The following COPB1 variants were observed in gnomAD, a reference collection of about 807,000 sequenced individuals.
COPB1 encodes the protein coat protein complex I subunit beta 1.
In COPB1, 21 loss-of-function variants were observed where a neutral mutation model predicts 108.7. That is an observed-to-expected ratio of 0.19 (90% CI 0.14 to 0.28). COPB1 has a LOEUF of 0.28. COPB1 is among the 10% of genes least tolerant of loss of function. The probability of loss-of-function intolerance (pLI) is 1.00; values close to 1 mark genes in which losing one functional copy is unlikely to be tolerated. For missense variants in COPB1, 919 were observed against 1,141.3 expected (o/e 0.81, Z 2.81); for synonymous variants, 378 against 386.8 (o/e 0.98, Z 0.27).
intron 12 of COPB1, 124 bp from the exon 13 acceptor site, chr11:14,476,069 C>CT (rs1190157404): frequency 2.6e-6 from 2 of 759,218 alleles, no homozygotes; most frequent in Non-Finnish European, 4.1e-6. Flanking sequence ...ACTGGGAACT[C>CT]TGCTTTCAAT....
chr11:14,491,754 G>A (rs1028655973), intron 4 of COPB1, among the ~76,000 whole-genome samples: 5 of 151,506 alleles, frequency 3.3e-5, no homozygotes, highest in Non-Finnish European at 7.4e-5. Flanking sequence ...ACGTTTTCTA[G>A]TTCAATACAG....
chr11:14,462,688 A>C (rs1386402373), intron 18 of COPB1, among the ~76,000 whole-genome samples: 1 of 152,150 alleles, frequency 6.6e-6, no homozygotes, highest in Non-Finnish European at 1.5e-5. Context: ...CGTATCAGAG[A>C]AGTACTACCT....
At chr11:14,464,870 A>G in intron 18 of COPB1, 41 bp downstream of exon 18, 1 of 1,591,630 alleles carries the variant, frequency 6.3e-7, no homozygotes. Flanking sequence ...ATTCTTCAGT[A>G]AAAGTATTCA....
At chr11:14,458,762 A>C in intron 20 of COPB1, 75 bp from the exon 21 acceptor site, 1 of 1,206,188 alleles carries the variant, frequency 8.3e-7, no homozygotes, top group Non-Finnish European at 1.1e-6. Flanking sequence ...AGCATAGGTG[A>C]CTTTTTTTTT....
chr11:14,459,863 C>T (rs541906001), intron 20 of COPB1, among the ~76,000 whole-genome samples: 43 of 152,182 alleles, frequency 2.8e-4, no homozygotes, highest in African/African-American at 6.3e-4. Flanking sequence ...GTGATCTGCC[C>T]GCCTCAGCCT....
intron 16 of COPB1, among the ~76,000 whole-genome samples, chr11:14,467,887 GT>G (rs1850318413): frequency 1.3e-5 from 2 of 152,148 alleles, no homozygotes; most frequent in African/African-American, 4.8e-5. Context: ...GTAAGTAGAG[GT>G]TGAGGGGAAG....
At chr11:14,482,148 ATTTCT>A (rs1850674404) in intron 8 of COPB1, among the ~76,000 whole-genome samples, 1 of 152,122 alleles carries the variant, frequency 6.6e-6, no homozygotes, top group African/African-American at 2.4e-5. Flanking sequence ...GGTAAGGATA[ATTTCT>A]TATATAACCA....
intron 11 of COPB1, among the ~76,000 whole-genome samples, chr11:14,478,053 A>G (rs1850567900): frequency 6.6e-6 from 1 of 152,128 alleles, no homozygotes; most frequent in Non-Finnish European, 1.5e-5. Flanking sequence ...CTGCAGTTCT[A>G]AAGTATTTTA....
chr11:14,480,677 T>G, intron 10 of COPB1, 82 bp downstream of exon 10: 2 of 1,352,290 alleles, frequency 1.5e-6, no homozygotes, highest in Non-Finnish European at 1.0e-6. Flanking sequence ...GCAGCTGAGA[T>G]TTCTGGAGTT....
Position 14,461,246 on chromosome 11 carries a change from A to G in COPB1, c.2496T>C (p.Pro832=). The G allele has an allele frequency of 6.2e-7, 1 of 1,614,202 alleles. No homozygotes were observed. The highest frequency in any genetic ancestry group is 1.1e-5 in the South Asian group (1 of 91,074). Residue 832 remains proline (P), a synonymous_variant, in exon 19 of 22, where the codon CCT becomes CCC. Transcript: ENST00000439561. ...IHIDIMDYIQ[P]ATCTDAEFRQ... ...GGAATTCTGCATCAGTGCAAGTTGC[A>G]GGCTGGATATAGTCCATGATGTCGA... is the stretch of plus-strand genomic sequence containing the variant.
intron 16 of COPB1, among the ~76,000 whole-genome samples, chr11:14,466,843 C>T (rs1351451166): frequency 6.6e-6 from 1 of 152,092 alleles, no homozygotes; most frequent in Non-Finnish European, 1.5e-5. Flanking sequence ...AACTCAGGAT[C>T]CAAATAAAAT....
In COPB1 at chr11:14,489,435, A is replaced by G. The variant is rs536732393; in HGVS notation, c.607-851T>C. Among the ~76,000 whole-genome samples, 82 of 152,390 alleles carry G rather than the reference A, an allele frequency of 5.4e-4. 1 individual carries two copies. Among genetic ancestry groups the G allele is most frequent in the African/African-American group, 1.9e-3 (80 of 41,598 alleles). On this transcript the variant is annotated intron_variant, in intron 5 of 21. Transcript: ENST00000439561. ...AGATACGTGTACATCTACGTTCACAATAGCATTATTCCTAATAGCTAAAAG... is the reference window on the plus strand; with the variant it reads ...AGATACGTGTACATCTACGTTCACAGTAGCATTATTCCTAATAGCTAAAAG...
At chr11:14,488,631 G>C in intron 5 of COPB1, 47 bp from the exon 6 acceptor site, 10 of 1,291,140 alleles carry the variant, frequency 7.7e-6, no homozygotes, top group Non-Finnish European at 1.1e-5. Context: ...TCATTCAATA[G>C]AAGGACTTAA....
At chr11:14,489,219 T>C (rs927960086) in intron 5 of COPB1, among the ~76,000 whole-genome samples, 3 of 152,254 alleles carry the variant, frequency 2.0e-5, no homozygotes, top group Admixed American at 6.5e-5. Context: ...AAAAAAACAA[T>C]AGCAACAAGT....
chr11:14,466,159 C>A, intron 17 of COPB1, 123 bp downstream of exon 17: 1 of 955,452 alleles, frequency 1.0e-6, no homozygotes, highest in Non-Finnish European at 1.5e-6. Flanking sequence ...AAAACTAAGC[C>A]TTGATTCAAA....
chr11:14,498,819 A>T lies in COPB1; in HGVS notation c.91+19T>A. ...TTTTTCTTTTTTCATTTCATTCTCA[A>T]AATAATATCGAAGTTTACCTAGATC... On this transcript the variant is annotated intron_variant, in intron 2 of 21. Transcript: ENST00000439561. The T allele has an allele frequency of 6.4e-7, 1 of 1,552,388 alleles. No individual in the cohort carries two copies. Among genetic ancestry groups the T allele is most frequent in the Non-Finnish European group, 8.7e-7 (1 of 1,147,184 alleles).
intron 16 of COPB1, among the ~76,000 whole-genome samples, chr11:14,467,373 C>CA (rs975488658): frequency 5.5e-4 from 82 of 148,936 alleles, no homozygotes; most frequent in East Asian, 5.9e-4. Context: ...TGGCTATCAT[C>CA]AAAAAAAAAC....
chr11:14,469,746 C>G (rs1414676596), intron 14 of COPB1, among the ~76,000 whole-genome samples, 183 bp from the exon 15 acceptor site: 1 of 152,210 alleles, frequency 6.6e-6, no homozygotes, highest in African/African-American at 2.4e-5. Flanking sequence ...AACTGCCACT[C>G]TCTAAGACCT....
chr11:14,472,114 T>C (rs944792448), intron 14 of COPB1, among the ~76,000 whole-genome samples: 47 of 152,194 alleles, frequency 3.1e-4, no homozygotes, highest in Admixed American at 2.6e-3. Context: ...TGGTAGGACA[T>C]TGTAACCAAC....
Sources: gnomAD v4.1 joint callset for allele counts (sites outside exome capture counted in the v4.1 genomes callset) on GRCh38, gnomAD v4.1.1 for gene constraint, MANE v1.5 for transcripts, NCBI Gene and HGNC (gene_info 2026-07-23, HGNC 2026-07-21) for gene names.